The following RAPGEF4 variants were observed in gnomAD, a reference collection of about 807,000 sequenced individuals.
RAPGEF4 encodes RAP guanine-nucleotide-exchange factor (GEF) 4.
In RAPGEF4, 66 loss-of-function variants were observed where a neutral mutation model predicts 147.9. The observed-to-expected ratio is 0.45, with a 90% CI of 0.37 to 0.55. The LOEUF is 0.55. RAPGEF4 is among the 20% of genes least tolerant of loss of function. RAPGEF4 has a pLI of 0.00. For missense variants in RAPGEF4, 1,071 were observed against 1,257.3 expected, an observed-to-expected ratio of 0.85 and a Z score of 2.24; for synonymous variants, 419 against 442.7, an observed-to-expected ratio of 0.95 and a Z score of 0.67.
intron 1 of RAPGEF4, among the ~76,000 whole-genome samples, chr2:172,790,209 T>C (rs554366647): frequency 5.3e-5 from 8 of 152,296 alleles, no homozygotes; most frequent in Non-Finnish European, 1.0e-4. Flanking sequence ...TTAGTGACAA[T>C]GAGCACCTTT....
At chr2:172,887,310 T>A (rs1175390736) in intron 4 of RAPGEF4, among the ~76,000 whole-genome samples, 1 of 152,248 alleles carries the variant, frequency 6.6e-6, no homozygotes, top group Non-Finnish European at 1.5e-5. Flanking sequence ...TATTCTATGC[T>A]GCTGTTACCA....
chr2:173,020,924 A>C (rs1260355044), intron 23 of RAPGEF4, among the ~76,000 whole-genome samples: 2 of 152,228 alleles, frequency 1.3e-5, no homozygotes. Context: ...GCCAAGTAGC[A>C]CCACTATTAG....
At chr2:172,843,581 C>T (rs1416574021) in intron 4 of RAPGEF4, among the ~76,000 whole-genome samples, 1 of 152,196 alleles carries the variant, frequency 6.6e-6, no homozygotes, top group Non-Finnish European at 1.5e-5. Context: ...GAAACCTAAA[C>T]TGTTTCAAAA....
intron 4 of RAPGEF4, among the ~76,000 whole-genome samples, chr2:172,854,535 G>A (rs74940864): frequency 1.3e-5 from 2 of 151,874 alleles, no homozygotes; most frequent in Admixed American, 6.6e-5. Flanking sequence ...GACAATTTCT[G>A]TTTTTAATTG....
chr2:173,050,723 C>A (rs1407869083), intron 30 of RAPGEF4, among the ~76,000 whole-genome samples: 4 of 128,758 alleles, frequency 3.1e-5, no homozygotes, highest in African/African-American at 1.2e-4. Flanking sequence ...TGGGAGAATT[C>A]ACGAAGAAGA....
chr2:173,036,024 A>G (rs1026913552), intron 27 of RAPGEF4, 101 bp from the exon 28 acceptor site: 6 of 872,222 alleles, frequency 6.9e-6, no homozygotes, highest in South Asian at 4.2e-5. Flanking sequence ...TCAAAGGTCA[A>G]CTGTACCTGA....
intron 14 of RAPGEF4, 28 bp downstream of exon 14, chr2:172,988,867 A>G (rs1372953609): frequency 6.2e-7 from 1 of 1,605,292 alleles, no homozygotes; most frequent in Non-Finnish European, 8.5e-7. Flanking sequence ...TGTGGCTGAG[A>G]GACAGCCCAT....
At chr2:172,918,169 C>T in intron 5 of RAPGEF4, 2 of 484,824 alleles carry the variant, frequency 4.1e-6, no homozygotes, top group East Asian at 8.6e-5. Flanking sequence ...AGTGTTCTTT[C>T]TGTGCCCTTT....
chr2:172,954,833 C>A (rs1688568974), intron 6 of RAPGEF4, among the ~76,000 whole-genome samples: 1 of 152,186 alleles, frequency 6.6e-6, no homozygotes, highest in Non-Finnish European at 1.5e-5. Flanking sequence ...GATTTGAAAT[C>A]CAAAATGTTG....
At chr2:172,829,304 G>A (rs1690030377) in intron 4 of RAPGEF4, among the ~76,000 whole-genome samples, 1 of 152,222 alleles carries the variant, frequency 6.6e-6, no homozygotes, top group African/African-American at 2.4e-5. Flanking sequence ...TCAGGCCGGG[G>A]TTCTTGAGTA....
At chr2:172,948,853 A>G (rs1448468453) in intron 6 of RAPGEF4, among the ~76,000 whole-genome samples, 2 of 152,146 alleles carry the variant, frequency 1.3e-5, no homozygotes, top group East Asian at 3.9e-4. Context: ...ACTAATGGGT[A>G]CTGGGCTTAA....
Position 172,856,884 on chromosome 2 carries a change from G to A in RAPGEF4, c.444+42459G>A, listed in dbSNP as rs532532711. On this transcript the variant is annotated intron_variant, in intron 4 of 30. Coordinates refer to ENST00000397081, the MANE Select transcript of RAPGEF4 (RefSeq NM_007023.4). ...TTTATCTGACTCTGGCCACACTGTG[G>A]AACTGACTGGGCCTTGTCCTTAGAT... Among the ~76,000 whole-genome samples, 7 of 152,106 alleles carry A rather than the reference G, an allele frequency of 4.6e-5. No homozygotes were observed. In the South Asian group the frequency reaches 1.5e-3, roughly 32 times the overall value.
intron 4 of RAPGEF4, among the ~76,000 whole-genome samples, chr2:172,911,581 C>G (rs960926226): frequency 1.3e-5 from 2 of 152,002 alleles, no homozygotes; most frequent in Middle Eastern, 3.2e-3. Flanking sequence ...GCCTCAGCCT[C>G]CCGAGTAGCT....
intron 4 of RAPGEF4, among the ~76,000 whole-genome samples, chr2:172,869,889 A>T (rs1019543132): frequency 6.6e-6 from 1 of 152,194 alleles, no homozygotes; most frequent in Non-Finnish European, 1.5e-5. Context: ...TGGGCTGCAG[A>T]TACTATTATT....
chr2:172,911,043 C>T (rs893913053), intron 4 of RAPGEF4, among the ~76,000 whole-genome samples: 13 of 152,296 alleles, frequency 8.5e-5, no homozygotes, highest in African/African-American at 2.6e-4. Flanking sequence ...TGTCTGGCCA[C>T]GACAGTTCAC....
At chr2:172,974,577 G>C (rs1253729031) in intron 10 of RAPGEF4, among the ~76,000 whole-genome samples, 2 of 152,178 alleles carry the variant, frequency 1.3e-5, no homozygotes, top group Non-Finnish European at 2.9e-5. Context: ...CCAGCTATCA[G>C]GAGGCTGAGG....
intron 21 of RAPGEF4, 150 bp downstream of exon 21, chr2:173,017,654 G>A (rs570595697): frequency 2.2e-5 from 15 of 684,286 alleles, no homozygotes; most frequent in African/African-American, 1.1e-4. Context: ...TTGGTGGCCC[G>A]ATTATTTATG....
rs559582303 is a variant in RAPGEF4, at chr2:172,777,699, G to A, written c.66-17326G>A. ...TTCTGATTGCTGCCTCCCCAGCCCC[G>A]TGAGACTGCCATGCTCTGTTTGAGT... is the stretch of plus-strand genomic sequence containing the variant. On this transcript the variant is annotated intron_variant, in intron 1 of 30. Transcript: ENST00000397081. Among the ~76,000 whole-genome samples, 39 of 151,866 alleles carry A rather than the reference G, an allele frequency of 2.6e-4. No individual in the cohort carries two copies. In the South Asian group the frequency reaches 5.6e-3, roughly 22 times the overall value.
At chr2:172,978,819 T>G (rs1691376015) in intron 10 of RAPGEF4, among the ~76,000 whole-genome samples, 1 of 152,240 alleles carries the variant, frequency 6.6e-6, no homozygotes, top group Non-Finnish European at 1.5e-5. Flanking sequence ...TAGTTCATCG[T>G]TTGTGGTGGT....
Sources: allele counts gnomAD v4.1 joint callset (sites outside exome capture counted in the v4.1 genomes callset), GRCh38; gene constraint gnomAD v4.1.1; transcripts MANE v1.5; gene names NCBI Gene and HGNC (gene_info 2026-07-23, HGNC 2026-07-21).